The following ZNF136 variants were observed in gnomAD, a reference collection of about 807,000 sequenced individuals.
ZNF136 encodes the protein zinc finger protein 136.
A neutral mutation model predicts 11.4 loss-of-function variants in ZNF136; 8 were observed. The ratio of observed to expected loss-of-function variants is 0.70; its 90% CI spans 0.41 to 1.27. The LOEUF (loss-of-function observed/expected upper bound fraction) is 1.27, where lower values mean the gene tolerates loss of function less well. Among genes scored for constraint, ZNF136 ranks in the 50% most tolerant of loss-of-function variants. The pLI, the probability that ZNF136 is intolerant of heterozygous loss-of-function variation, is 0.01. For synonymous variants in ZNF136, 190 were observed against 207.1 expected (o/e 0.92, Z 0.71); for missense variants, 590 against 656.5 (o/e 0.90, Z 1.11).
rs1056643243 is a variant in ZNF136, at chr19:12,188,152, G to A, written c.*151G>A. ...AAGCCATATACATGTAAGTAACATG[G>A]GAAAGCTTTCAATCATTTTAGTTCC... On this transcript the variant is annotated 3_prime_UTR_variant, in exon 4 of 4. Coordinates refer to ENST00000343979, the MANE Select transcript of ZNF136 (RefSeq NM_003437.5). 28 of 544,772 alleles carry A rather than the reference G, an allele frequency of 5.1e-5. No individual in the cohort carries two copies. The highest frequency in any genetic ancestry group is 7.6e-5 in the Admixed American group (2 of 26,364). 33.7% of individuals were successfully genotyped at this position (544,772 alleles called of 1,614,324 possible).
At chr19:12,184,330 G>A (rs1915028573) in intron 1 of ZNF136, among the ~76,000 whole-genome samples, 1 of 152,038 alleles carries the variant, frequency 6.6e-6, no homozygotes, top group Non-Finnish European at 1.5e-5. Context: ...GGAGGCCGAG[G>A]TGGGCAGATC....
chr19:12,176,437 C>G (rs1168600730), intron 1 of ZNF136, among the ~76,000 whole-genome samples: 2 of 152,068 alleles, frequency 1.3e-5, no homozygotes, highest in African/African-American at 2.4e-5. Flanking sequence ...AGCGATTCTC[C>G]TGCTTCAGCC....
At chr19:12,164,414 G>GT (rs1977155965) in intron 1 of ZNF136, among the ~76,000 whole-genome samples, 1 of 146,516 alleles carries the variant, frequency 6.8e-6, no homozygotes, top group African/African-American at 2.5e-5. Context: ...TGGGACCACA[G>GT]TTTTGCGCCA....
At chr19:12,170,021 C>T (rs1005034175) in intron 1 of ZNF136, among the ~76,000 whole-genome samples, 3 of 149,796 alleles carry the variant, frequency 2.0e-5, no homozygotes, top group Admixed American at 1.4e-4. Context: ...GTCTCGATCT[C>T]CTGACCTCGT....
At position 12,187,945 on chromosome 19, in the gene ZNF136, A is replaced by G. The variant is rs1216733108; in HGVS notation, c.1567A>G (p.Met523Val). ...YSCRASFQRH[M>V]LTHAEDGPPY... ...TTGCCGTGCCAGCTTTCAGAGACAC[A>G]TGTTAACACATGCTGAAGATGGACC... is the stretch of plus-strand genomic sequence containing the variant. Residue 523 changes from methionine to valine, a missense_variant, in exon 4 of 4, where the codon ATG (methionine) becomes GTG (valine). By Grantham distance (21) the Met-to-Val change is conservative. Coordinates refer to ENST00000343979, the MANE Select transcript of ZNF136 (RefSeq NM_003437.5). 6 of 1,554,560 alleles carry G rather than the reference A, an allele frequency of 3.9e-6. No individual in the cohort carries two copies. The African/African-American group carries it at 4.1e-5, about 11-fold the overall frequency.
At chr19:12,168,578 A>T (rs543268541) in intron 1 of ZNF136, among the ~76,000 whole-genome samples, 3 of 150,410 alleles carry the variant, frequency 2.0e-5, no homozygotes, top group Non-Finnish European at 4.4e-5. Flanking sequence ...CCCTTGTGTG[A>T]CTCCTCCCAG....
Position 12,186,850 on chromosome 19 carries a change from C to T in ZNF136, c.472C>T (p.His158Tyr). 6.2e-7 allele frequency: 1 copy of T among 1,614,124 alleles called. No individual in the cohort carries two copies. Among genetic ancestry groups the T allele is most frequent in the Non-Finnish European group, 8.5e-7 (1 of 1,180,016 alleles). ...PFSSHHSFRT[H>Y]EIIHTGEKLY... is the part of the protein sequence containing the mutation. ...CAGTTCTCACCACTCCTTTCGAACA[C>T]ATGAGATAATTCACACTGGAGAGAA... Residue 158 changes from histidine (H) to tyrosine (Y), a missense_variant, in exon 4 of 4, where the codon CAT becomes TAT. His to Tyr is a moderately conservative substitution (Grantham distance 83). Coordinates refer to ENST00000343979, the MANE Select transcript of ZNF136 (RefSeq NM_003437.5).
chr19:12,186,885 T>G lies in ZNF136; in HGVS notation c.507T>G (p.Asp169Glu), dbSNP rs778303048. 3.1e-6 allele frequency: 5 copies of G among 1,613,256 alleles called. No homozygotes were observed. The highest frequency in any genetic ancestry group is 1.1e-5 in the South Asian group (1 of 91,002). ...TTCACACTGGAGAGAAACTCTATGA[T>G]TGTAAGGAATGTGGAAAAACCTTCT... ...EIIHTGEKLY[D>E]CKECGKTFFS... is the part of the protein sequence containing the mutation. Residue 169 changes from aspartate (D) to glutamate (E), a missense_variant, in exon 4 of 4, where the codon GAT becomes GAG. By Grantham distance (45) the Asp-to-Glu change is conservative (BLOSUM62 2). Transcript: ENST00000343979.
intron 1 of ZNF136, among the ~76,000 whole-genome samples, chr19:12,174,703 T>TCGGCTCACTGCAAGCTCTGCCTCC: frequency 6.6e-6 from 1 of 152,102 alleles, no homozygotes; most frequent in East Asian, 1.9e-4. Flanking sequence ...TGGCACCATC[T>TCGGCTCACTGCAAGCTCTGCCTCC]CGGCTCACTG....
In ZNF136 at chr19:12,163,218, G is replaced by T; in HGVS notation, c.3+12G>T. The stretch of plus-strand genomic sequence containing the variant: ...GGAGTCAGGAAATGGTGAGTGTGTC[G>T]GGCCCTGCGTCCCGAGACAGGGAGG... On this transcript the variant is annotated intron_variant, in intron 1 of 3. Transcript: ENST00000343979. 7.2e-7 allele frequency: 1 copy of T among 1,386,410 alleles called. No homozygotes were observed. Among genetic ancestry groups the T allele is most frequent in the Non-Finnish European group, 9.4e-7 (1 of 1,061,210 alleles). 85.9% of individuals were successfully genotyped at this position (1,386,410 alleles called of 1,614,324 possible).
chr19:12,186,302 AATAC>A (rs1289769124), intron 3 of ZNF136, 128 bp downstream of exon 3: 1 of 1,034,150 alleles, frequency 9.7e-7, no homozygotes, highest in Non-Finnish European at 1.4e-6. Flanking sequence ...ATTTTCCCCA[AATAC>A]ATATTCTTCA....
chr19:12,165,563 A>G (rs970683504), intron 1 of ZNF136, among the ~76,000 whole-genome samples: 12 of 152,206 alleles, frequency 7.9e-5, no homozygotes, highest in Admixed American at 2.0e-4. Flanking sequence ...TGGAGTAATT[A>G]TCTGCATGAT....
rs1201846626 is a variant in ZNF136 at position 12,186,855 on chromosome 19, G to A, written c.477G>A (p.Glu159=). 1 of 1,614,082 alleles carries A rather than the reference G, an allele frequency of 6.2e-7. No homozygotes were observed. Among genetic ancestry groups the A allele is most frequent in the Admixed American group, 1.7e-5 (1 of 60,002 alleles). Residue 159 remains glutamate, a synonymous_variant, in exon 4 of 4, where the codon GAG becomes GAA. Transcript: ENST00000343979. ...CTCACCACTCCTTTCGAACACATGA[G>A]ATAATTCACACTGGAGAGAAACTCT... The part of the protein sequence containing the change: ...FSSHHSFRTH[E]IIHTGEKLYD...
At chr19:12,165,914 G>T (rs895866013) in intron 1 of ZNF136, among the ~76,000 whole-genome samples, 21 of 152,286 alleles carry the variant, frequency 1.4e-4, no homozygotes, top group Admixed American at 4.6e-4. Flanking sequence ...CTTTTTAAAA[G>T]AAACTGGAAG....
At chr19:12,178,755 C>G (rs1381947321) in intron 1 of ZNF136, among the ~76,000 whole-genome samples, 1 of 151,994 alleles carries the variant, frequency 6.6e-6, no homozygotes, top group African/African-American at 2.4e-5. Flanking sequence ...CTTTGGGAGG[C>G]TGAGGTGGGT....
At chr19:12,184,250 A>G (rs1915025664) in intron 1 of ZNF136, among the ~76,000 whole-genome samples, 1 of 150,186 alleles carries the variant, frequency 6.7e-6, no homozygotes, top group Non-Finnish European at 1.5e-5. Flanking sequence ...TGGGCGACAG[A>G]GCAAGACTCC....
chr19:12,174,476 T>C (rs974222137), intron 1 of ZNF136, among the ~76,000 whole-genome samples: 3 of 152,192 alleles, frequency 2.0e-5, no homozygotes, highest in East Asian at 3.9e-4. Flanking sequence ...TATTTTTCAT[T>C]GGTCTGTCTG....
At position 12,163,279 on chromosome 19, in the gene ZNF136, C is replaced by A. The variant is rs369340072; in HGVS notation, c.3+73C>A. 1.4e-4 allele frequency: 192 copies of A among 1,332,004 alleles called. No individual in the cohort carries two copies. The African/African-American group carries it at 2.6e-3, about 18-fold the overall frequency. 82.5% of individuals were successfully genotyped at this position (1,332,004 alleles called of 1,614,324 possible). A position where few individuals can be genotyped will look rare whatever the true frequency, so the allele number is the denominator to read the frequency against. On this transcript the variant is annotated intron_variant, in intron 1 of 3. Coordinates refer to ENST00000343979, the MANE Select transcript of ZNF136 (RefSeq NM_003437.5). ...TGGACGACCGGAACTGGCTGTGGCGCGGCCCGGGCCTTCCCGTGGGCGACT... is the reference window on the plus strand; with the variant it reads ...TGGACGACCGGAACTGGCTGTGGCGAGGCCCGGGCCTTCCCGTGGGCGACT...
In ZNF136 at chr19:12,187,098, A is replaced by G. The variant is rs1915122370; in HGVS notation, c.720A>G (p.Arg240=). The part of the protein sequence containing the change: ...GKAFTCITSV[R]RHMIKHTGDG... ...CCTTCACTTGTATCACAAGTGTTCG[A>G]AGACACATGATAAAGCACACTGGAG... Residue 240 remains arginine (R), a synonymous_variant, in exon 4 of 4, where the codon CGA becomes CGG. Coordinates refer to ENST00000343979, the MANE Select transcript of ZNF136 (RefSeq NM_003437.5). 2.5e-6 allele frequency: 4 copies of G among 1,614,048 alleles called. No homozygotes were observed. The highest frequency in any genetic ancestry group is 3.4e-6 in the Non-Finnish European group (4 of 1,180,026).
Sources: gnomAD v4.1 joint callset for allele counts (sites outside exome capture counted in the v4.1 genomes callset) on GRCh38, gnomAD v4.1.1 for gene constraint, MANE v1.5 for transcripts, NCBI Gene and HGNC (gene_info 2026-07-23, HGNC 2026-07-21) for gene names.